The following NDEL1 variants were observed in gnomAD, a reference collection of about 807,000 sequenced individuals.
NDEL1 encodes nuclear distribution protein nudE-like 1.
A neutral mutation model predicts 45.7 loss-of-function variants in NDEL1; 9 were observed. The ratio of observed to expected loss-of-function variants is 0.20; its 90% CI spans 0.12 to 0.34. NDEL1 has a LOEUF of 0.34. Among genes scored for constraint, NDEL1 ranks in the 10% least tolerant of loss-of-function variants. NDEL1 has a pLI of 1.00. For synonymous variants in NDEL1, 133 were observed against 158.6 expected, an observed-to-expected ratio of 0.84 and a Z score of 1.21; for missense variants, 306 against 406.2, an observed-to-expected ratio of 0.75 and a Z score of 2.12.
At chr17:8,415,452 A>ATTTATTTC (rs58282752) in intron 1 of NDEL1, among the ~76,000 whole-genome samples, 1 of 143,632 alleles carries the variant, frequency 7.0e-6, no homozygotes, top group Admixed American at 6.9e-5. Context: ...TTATTTATTT[A>ATTTATTTC]GAGATAGGGT....
intron 5 of NDEL1, among the ~76,000 whole-genome samples, chr17:8,450,567 G>C (rs1424017789): frequency 6.6e-6 from 1 of 152,116 alleles, no homozygotes; most frequent in African/African-American, 2.4e-5. Context: ...ACTTCTCTCA[G>C]GTTATAGCAT....
chr17:8,436,494 C>T (rs1343098119), intron 1 of NDEL1: 4 of 152,838 alleles, frequency 2.6e-5, no homozygotes, highest in Admixed American at 1.3e-4. Flanking sequence ...TTTGATCTCT[C>T]AGTGCCTCTC....
intron 6 of NDEL1, among the ~76,000 whole-genome samples, chr17:8,454,202 T>C (rs768369399): frequency 2.0e-5 from 3 of 152,124 alleles, no homozygotes; most frequent in Admixed American, 2.0e-4. Flanking sequence ...CGCTGAGAGA[T>C]AGAACATCTA....
upstream of NDEL1, among the ~76,000 whole-genome samples, chr17:8,432,737 G>T (rs1361342848): frequency 2.0e-5 from 3 of 152,188 alleles, no homozygotes; most frequent in Non-Finnish European, 4.4e-5. Context: ...GCCAAATTGG[G>T]ACTGTAAGGT....
At chr17:8,434,274 A>G (rs1322653601), upstream of NDEL1, among the ~76,000 whole-genome samples, 1 of 152,058 alleles carries the variant, frequency 6.6e-6, no homozygotes, top group Admixed American at 6.5e-5. Context: ...CGCCCAGGTT[A>G]GAGTGCAGTG....
chr17:8,437,223 AATT>A (rs1281807618), intron 1 of NDEL1, among the ~76,000 whole-genome samples: 1 of 152,212 alleles, frequency 6.6e-6, no homozygotes, highest in Non-Finnish European at 1.5e-5. Context: ...ATTTCTTCTG[AATT>A]ATTATTAAAA....
At chr17:8,421,270 A>C (rs955380994) in intron 1 of NDEL1, among the ~76,000 whole-genome samples, 4 of 152,198 alleles carry the variant, frequency 2.6e-5, no homozygotes, top group African/African-American at 7.2e-5. Flanking sequence ...TAGGCCCCCC[A>C]AAAATGTTCA....
upstream of NDEL1, among the ~76,000 whole-genome samples, chr17:8,434,383 A>C (rs901377532): frequency 6.6e-6 from 1 of 151,962 alleles, no homozygotes; most frequent in Non-Finnish European, 1.5e-5. Context: ...TGCCTGGCTA[A>C]TTTTTGTACT....
downstream of NDEL1, among the ~76,000 whole-genome samples, chr17:8,471,640 C>G (rs1032031826): frequency 2.6e-5 from 4 of 152,244 alleles, no homozygotes; most frequent in African/African-American, 9.6e-5. Flanking sequence ...AGTCCGGGGC[C>G]ACACTTTCTG....
chr17:8,456,264 T>C (rs796547937), intron 7 of NDEL1, among the ~76,000 whole-genome samples: 25 of 152,306 alleles, frequency 1.6e-4, no homozygotes, highest in African/African-American at 6.0e-4. Context: ...AGTGCACAGG[T>C]CGTTCCTACA....
Position 8,466,995 on chromosome 17 carries a change from C to T in NDEL1, c.1010C>T (p.Ala337Val), listed in dbSNP as rs369792018. The T allele has an allele frequency of 1.3e-5, 21 of 1,614,074 alleles. No individual in the cohort carries two copies. The highest frequency in any genetic ancestry group is 3.3e-5 in the Admixed American group (2 of 60,012). ...CTGGGCTCCTCGCGTCCATCGTCAG[C>T]GCCGGGTATGCTGCCTCTCAGTGTG... Reference protein sequence around the residue: ...PGLGSSRPSSAPGMLPLSV With the variant: ...PGLGSSRPSSVPGMLPLSV The change falls in exon 9 of 9, where the codon GCG becomes GTG. Residue 337 changes from alanine (A) to valine (V), a missense_variant. Physicochemically the swap from Ala to Val is moderately conservative, Grantham distance 64. This residue lies in a region of NDEL1 where 175 missense variants were observed against 205.2 expected (regional missense o/e 0.85). Coordinates refer to ENST00000334527, the MANE Select transcript of NDEL1 (RefSeq NM_030808.5).
At chr17:8,432,905 T>C (rs1293939325), upstream of NDEL1, among the ~76,000 whole-genome samples, 1 of 152,188 alleles carries the variant, frequency 6.6e-6, no homozygotes, top group Non-Finnish European at 1.5e-5. Context: ...AACACTCTCG[T>C]AATAAGTACG....
In NDEL1 at chr17:8,448,659, G is replaced by A. The variant is rs1910254117; in HGVS notation, c.499G>A (p.Val167Ile). Reference protein sequence around the residue: ...LDEKESLLVSVQRLKDEARDL... With the variant: ...LDEKESLLVSIQRLKDEARDL... ...TGAAAAGGAATCTTTGTTGGTCTCT[G>A]TACAGAGGTTAAAGGATGAAGCAAG... The change falls in exon 5 of 9, where the codon GTA becomes ATA. Residue 167 changes from valine to isoleucine, a missense_variant. Around this residue, in one of 3 missense-constraint regions of NDEL1, gnomAD observed 19 missense variants for 52.7 expected, o/e 0.36. Transcript: ENST00000334527. 2 of 1,613,622 alleles carry A rather than the reference G, an allele frequency of 1.2e-6. No individual in the cohort carries two copies. Among genetic ancestry groups the A allele is most frequent in the African/African-American group, 2.7e-5 (2 of 74,916 alleles).
At chr17:8,463,568 G>C (rs1362644184) in intron 8 of NDEL1, among the ~76,000 whole-genome samples, 1 of 152,208 alleles carries the variant, frequency 6.6e-6, no homozygotes, top group Non-Finnish European at 1.5e-5. Context: ...TAGTTGCAGT[G>C]GTCCTGGGGT....
At chr17:8,418,163 C>T (rs1908598928) in intron 1 of NDEL1, among the ~76,000 whole-genome samples, 1 of 152,204 alleles carries the variant, frequency 6.6e-6, no homozygotes. Flanking sequence ...ATCCTGTTGA[C>T]ATCCCTTGTC....
chr17:8,446,448 G>A (rs369976070), intron 3 of NDEL1, among the ~76,000 whole-genome samples: 1 of 152,160 alleles, frequency 6.6e-6, no homozygotes, highest in South Asian at 2.1e-4. Context: ...ACCCTGGGCC[G>A]CATTTAGCCT....
At chr17:8,452,863 C>A (rs930976032) in intron 6 of NDEL1, among the ~76,000 whole-genome samples, 3 of 150,422 alleles carry the variant, frequency 2.0e-5, no homozygotes, top group Admixed American at 6.7e-5. Flanking sequence ...CCTTGGCCTC[C>A]CAAGTAGCTG....
At chr17:8,428,839 A>C (rs1024382974) in intron 1 of NDEL1, among the ~76,000 whole-genome samples, 4 of 149,226 alleles carry the variant, frequency 2.7e-5, no homozygotes, top group Non-Finnish European at 5.9e-5. Flanking sequence ...ACGCCCGGCT[A>C]ATTTTTTGTA....
intron 8 of NDEL1, chr17:8,463,498 G>A (rs1182442420): frequency 7.4e-6 from 5 of 675,696 alleles, no homozygotes; most frequent in Admixed American, 2.9e-5. Context: ...GAACTTTCAC[G>A]GTCCTGTTCG....
Sources: allele counts gnomAD v4.1 joint callset (sites outside exome capture counted in the v4.1 genomes callset), GRCh38; gene constraint gnomAD v4.1.1; regional missense constraint gnomAD v4.1.1; transcripts MANE v1.5; gene names NCBI Gene and HGNC (gene_info 2026-07-23, HGNC 2026-07-21).